The following COA1 variants were observed in gnomAD, a reference collection of about 807,000 sequenced individuals.
COA1 encodes cytochrome c oxidase assembly factor 1.
COA1 carries 13 observed loss-of-function variants against 16.0 expected under a neutral mutation model. The observed-to-expected ratio is 0.81, with a 90% CI of 0.53 to 1.29. The LOEUF is 1.29. Ranked by LOEUF, COA1 falls within the 50% of genes most tolerant of loss-of-function variation. The pLI, the probability that COA1 is intolerant of heterozygous loss-of-function variation, is 0.00. For missense variants in COA1, 179 were observed against 177.0 expected, an observed-to-expected ratio of 1.01 and a Z score of -0.06; for synonymous variants, 65 against 65.7, an observed-to-expected ratio of 0.99 and a Z score of 0.05.
At chr7:43,624,744 C>G (rs773957244) in intron 6 of COA1, 3 of 1,613,884 alleles carry the variant, frequency 1.9e-6, no homozygotes, top group Non-Finnish European at 2.5e-6. Flanking sequence ...ACAATGCAGA[C>G]AGTCTGAAAA....
At chr7:43,666,074 C>T (rs1400203644) in intron 1 of COA1, among the ~76,000 whole-genome samples, 1 of 152,186 alleles carries the variant, frequency 6.6e-6, no homozygotes, top group Non-Finnish European at 1.5e-5. Context: ...TCACAGATAC[C>T]TCCAGAAATT....
At chr7:43,623,914 T>A in intron 6 of COA1, 2 of 1,390,032 alleles carry the variant, frequency 1.4e-6, no homozygotes, top group Non-Finnish European at 1.9e-6. Flanking sequence ...ATTAGTTTAA[T>A]ATTGAACTAA....
chr7:43,725,661 C>T (rs1171260496), intron 1 of COA1, among the ~76,000 whole-genome samples: 1 of 152,068 alleles, frequency 6.6e-6, no homozygotes, highest in Admixed American at 6.6e-5. Flanking sequence ...AGTTCCAGAC[C>T]AACCTAGCCA....
At chr7:43,707,503 TC>T (rs1235186831) in intron 1 of COA1, among the ~76,000 whole-genome samples, 1 of 152,196 alleles carries the variant, frequency 6.6e-6, no homozygotes, top group African/African-American at 2.4e-5. Context: ...ATTGGTTCCT[TC>T]CCACTTCTTT....
In COA1 at chr7:43,664,103, A is replaced by AGAGAGAGAGAGAGAG. The variant is rs2092695982; in HGVS notation, c.-38-15452_-38-15451insCTCTCTCTCTCTCTC. ...GAATCATTTAGTATTTGTCTTTAGA[A>AGAGAGAGAGAGAGAG]AGAGAGAGAGAGAGAGAGAGAGAGA... On this transcript the variant is annotated intron_variant, in intron 1 of 5. Coordinates refer to ENST00000223336, the MANE Select transcript of COA1 (RefSeq NM_018224.4). Among the ~76,000 whole-genome samples, 5 of 135,144 alleles carry AGAGAGAGAGAGAGAG rather than the reference A, an allele frequency of 3.7e-5. No individual in the cohort carries two copies. The East Asian group carries it at 8.6e-4, about 23-fold the overall frequency. The allele number at this position is 135,144 out of a possible 152,430, so 88.7% of individuals were successfully genotyped here.
In COA1 at chr7:43,729,436, C is replaced by T. The variant is rs2132488064; in HGVS notation, c.-46G>A. ...ATACCGCGGGAGACTAACCTGTGAGCAACAGAAGCACCACGCTACAAAGAG... is the reference window on the plus strand; with the variant it reads ...ATACCGCGGGAGACTAACCTGTGAGTAACAGAAGCACCACGCTACAAAGAG... On this transcript the variant is annotated 5_prime_UTR_variant, in exon 1 of 6. Transcript: ENST00000223336. The T allele has an allele frequency of 2.0e-5, 3 of 152,412 alleles. 1 individual carries two copies. Among genetic ancestry groups the T allele is most frequent in the Middle Eastern group, 6.8e-3 (2 of 294 alleles). The allele number at this position is 152,412 out of a possible 1,614,324, so 9.4% of individuals were successfully genotyped here.
intron 6 of COA1, among the ~76,000 whole-genome samples, chr7:43,617,169 G>A (rs1295643961): frequency 2.7e-4 from 41 of 152,302 alleles, no homozygotes. Flanking sequence ...TGATGAGTCT[G>A]GAGAGCTAGT....
intron 6 of COA1, chr7:43,623,726 CAT>C (rs1429143619): frequency 6.8e-6 from 11 of 1,606,878 alleles, no homozygotes; most frequent in South Asian, 1.1e-5. Context: ...GGAGTGTTAA[CAT>C]ATGTCATGCT....
intron 1 of COA1, among the ~76,000 whole-genome samples, chr7:43,656,785 A>C (rs1157937156): frequency 6.6e-6 from 1 of 152,214 alleles, no homozygotes; most frequent in East Asian, 1.9e-4. Context: ...TTATACCAAA[A>C]TAAAGCCAAA....
chr7:43,623,400 A>G, intron 6 of COA1: 1 of 590,938 alleles, frequency 1.7e-6, no homozygotes, highest in Non-Finnish European at 2.9e-6. Flanking sequence ...AGTTAATTAC[A>G]AACATCTAGT....
chr7:43,631,232 C>CA (rs979859994), intron 6 of COA1: 3 of 152,048 alleles, frequency 2.0e-5, no homozygotes, highest in Non-Finnish European at 2.9e-5. Context: ...TTGGAGTTGA[C>CA]AGAGTTTTGT....
At chr7:43,651,559 G>A (rs2090776555) in intron 1 of COA1, among the ~76,000 whole-genome samples, 1 of 152,106 alleles carries the variant, frequency 6.6e-6, no homozygotes, top group African/African-American at 2.4e-5. Flanking sequence ...ACCAGAGGAA[G>A]CATCACCAGG....
chr7:43,662,315 C>T (rs1018704919), intron 1 of COA1, among the ~76,000 whole-genome samples: 13 of 152,184 alleles, frequency 8.5e-5, no homozygotes, highest in Admixed American at 2.0e-4. Flanking sequence ...CTGCAACCTC[C>T]GCCTCCCAGG....
chr7:43,664,133 C>T lies in COA1; in HGVS notation c.-38-15481G>A, dbSNP rs183564764. Among the ~76,000 whole-genome samples the T allele has an allele frequency of 7.8e-5, 4 of 51,258 alleles. No homozygotes were observed. In the East Asian group the frequency reaches 2.3e-3, roughly 29 times the overall value. The allele number at this position is 51,258 out of a possible 152,430, so 33.6% of individuals were successfully genotyped here. A position where few individuals can be genotyped will look rare whatever the true frequency, so the allele number is the denominator to read the frequency against. On this transcript the variant is annotated intron_variant, in intron 1 of 5. Transcript: ENST00000223336. The stretch of plus-strand genomic sequence containing the variant: ...AGAGAGAGAGAGAGAGAGAGAGAGT[C>T]TTGCTATATTGCCCAGGCTGGATTG...
intron 1 of COA1, chr7:43,650,461 C>T (rs2090511610): frequency 6.6e-6 from 1 of 152,158 alleles, no homozygotes; most frequent in South Asian, 2.1e-4. Context: ...AGAAATAAGG[C>T]TGAAATAAAG....
chr7:43,642,920 C>T (rs574845837), intron 4 of COA1, among the ~76,000 whole-genome samples: 62 of 152,320 alleles, frequency 4.1e-4, no homozygotes, highest in Non-Finnish European at 3.5e-4. Flanking sequence ...ATGCTGTATA[C>T]AGGCATCCTC....
chr7:43,670,858 T>C (rs2093217470), intron 1 of COA1, among the ~76,000 whole-genome samples: 1 of 152,224 alleles, frequency 6.6e-6, no homozygotes, highest in South Asian at 2.1e-4. Flanking sequence ...GCTAAGGTAG[T>C]GCCTGGCTCA....
intron 1 of COA1, among the ~76,000 whole-genome samples, chr7:43,662,372 G>C (rs544599797): frequency 6.6e-6 from 1 of 152,316 alleles, no homozygotes; most frequent in South Asian, 2.1e-4. Flanking sequence ...TGGGACTACA[G>C]GCACCTGCCA....
At chr7:43,624,268 TC>T (rs1389040905) in intron 6 of COA1, among the ~76,000 whole-genome samples, 1 of 152,194 alleles carries the variant, frequency 6.6e-6, no homozygotes, top group East Asian at 1.9e-4. Context: ...TCCCATCTGT[TC>T]TTGGTGTCTC....
Sources: allele counts gnomAD v4.1 joint callset (sites outside exome capture counted in the v4.1 genomes callset), GRCh38; gene constraint gnomAD v4.1.1; transcripts MANE v1.5; gene names NCBI Gene and HGNC (gene_info 2026-07-23, HGNC 2026-07-21).